GSE1: variants seen among roughly 807,000 people sequenced by gnomAD.
GSE1 encodes genetic suppressor element 1.
GSE1 carries 32 observed loss-of-function variants against 112.6 expected under a neutral mutation model. The ratio of observed to expected loss-of-function variants is 0.28; its 90% CI spans 0.21 to 0.38. The LOEUF (loss-of-function observed/expected upper bound fraction) is 0.38. GSE1 is among the 10% of genes least tolerant of loss of function. The probability of loss-of-function intolerance (pLI) is 1.00; values close to 1 mark genes in which losing one functional copy is unlikely to be tolerated. For missense variants in GSE1, 2,348 were observed against 1,699.2 expected, an observed-to-expected ratio of 1.38 and a Z score of -6.71; for synonymous variants, 1,115 against 735.6, an observed-to-expected ratio of 1.52 and a Z score of -8.35.
intron 2 of GSE1, among the ~76,000 whole-genome samples, chr16:85,503,270 C>T (rs1042975152): frequency 5.3e-5 from 8 of 152,210 alleles, no homozygotes; most frequent in Non-Finnish European, 7.3e-5. Flanking sequence ...GGGTGTCTCA[C>T]GGAGGGTCAG....
At chr16:85,462,838 G>A (rs1385562959) in intron 2 of GSE1, among the ~76,000 whole-genome samples, 2 of 147,046 alleles carry the variant, frequency 1.4e-5, no homozygotes, top group Non-Finnish European at 3.0e-5. Flanking sequence ...GAGCGGCTGC[G>A]GGGCCCCCAG....
chr16:85,313,444 C>T (rs1002967592), intron 1 of GSE1, among the ~76,000 whole-genome samples: 1 of 152,192 alleles, frequency 6.6e-6, no homozygotes, highest in Admixed American at 6.5e-5. Flanking sequence ...CAGGCCATCT[C>T]GGCCTCCTCT....
intron 2 of GSE1, among the ~76,000 whole-genome samples, chr16:85,523,028 C>T (rs868501479): frequency 3.0e-4 from 45 of 151,354 alleles, no homozygotes; most frequent in African/African-American, 5.1e-4. Context: ...TGTGTGTATG[C>T]GTGTGTGTCT....
At chr16:85,658,841 GTTGT>G (rs2052191720) in intron 8 of GSE1, among the ~76,000 whole-genome samples, 1 of 152,184 alleles carries the variant, frequency 6.6e-6, no homozygotes, top group South Asian at 2.1e-4. Flanking sequence ...CAGCACAGGT[GTTGT>G]GACTTTGCCC....
intron 1 of GSE1, among the ~76,000 whole-genome samples, chr16:85,624,990 C>T (rs1000847598): frequency 6.6e-6 from 1 of 152,192 alleles, no homozygotes; most frequent in Non-Finnish European, 1.5e-5. Flanking sequence ...GTACAGGTAG[C>T]CGGCGCCCTG....
At chr16:85,629,000 C>G (rs995083496) in intron 1 of GSE1, among the ~76,000 whole-genome samples, 2 of 152,168 alleles carry the variant, frequency 1.3e-5, no homozygotes, top group South Asian at 4.1e-4. Flanking sequence ...GGGGTTATCA[C>G]CGTCACCTTA....
intron 2 of GSE1, among the ~76,000 whole-genome samples, chr16:85,646,224 C>G (rs1437554588): frequency 6.9e-6 from 1 of 145,416 alleles, no homozygotes; most frequent in Non-Finnish European, 1.5e-5. Flanking sequence ...CTACCTGCTT[C>G]TACCACGCAT....
At chr16:85,520,314 G>T (rs903287714) in intron 2 of GSE1, among the ~76,000 whole-genome samples, 2 of 152,112 alleles carry the variant, frequency 1.3e-5, no homozygotes, top group Admixed American at 6.5e-5. Context: ...CATCACTTTG[G>T]GGGTGAGGAT....
intron 2 of GSE1, among the ~76,000 whole-genome samples, chr16:85,484,083 C>T (rs1323131792): frequency 6.6e-6 from 1 of 152,248 alleles, no homozygotes; most frequent in Non-Finnish European, 1.5e-5. Context: ...GATGACGTCC[C>T]ACACTTGGTG....
chr16:85,358,160 A>C (rs967250733), intron 2 of GSE1, among the ~76,000 whole-genome samples: 1 of 152,016 alleles, frequency 6.6e-6, no homozygotes, highest in Admixed American at 6.6e-5. Flanking sequence ...CCCCCACTCC[A>C]AGGCATCCTC....
rs551131442 is a variant in GSE1, at chr16:85,182,260, G to C, written c.2283+10453G>C. On this transcript the variant is annotated intron_variant, in intron 1 of 2. Coordinates refer to the GSE1 transcript ENST00000637419. The stretch of plus-strand genomic sequence containing the variant: ...ACCCACCATCAGCCTCGTACAGAAG[G>C]CCAGAATGTACCTGGTGGACCCCAG... Among the ~76,000 whole-genome samples the C allele has an allele frequency of 1.9e-3, 291 of 152,322 alleles. 2 individuals are homozygous for C. The highest frequency in any genetic ancestry group is 2.2e-3 in the Non-Finnish European group (151 of 68,026).
At chr16:85,542,953 C>T (rs528206765) in intron 2 of GSE1, among the ~76,000 whole-genome samples, 94 of 152,308 alleles carry the variant, frequency 6.2e-4, no homozygotes, top group African/African-American at 2.1e-3. Flanking sequence ...TGTAGCCGGG[C>T]GTGGTGGCTC....
intron 13 of GSE1, among the ~76,000 whole-genome samples, chr16:85,667,591 C>T (rs1598705684): frequency 6.6e-6 from 1 of 152,244 alleles, no homozygotes; most frequent in Admixed American, 6.5e-5. Flanking sequence ...GGCGCAGTGG[C>T]TCACGCTTGT....
chr16:85,297,132 A>G (rs61529969), intron 1 of GSE1, among the ~76,000 whole-genome samples: 19,239 of 152,136 alleles, frequency 0.13, 1,398 homozygotes, highest in African/African-American at 0.17. Flanking sequence ...CCCGCCCTCT[A>G]CCCGGCCAGG....
At chr16:85,243,902 G>A (rs765096763) in intron 1 of GSE1, among the ~76,000 whole-genome samples, 7 of 152,126 alleles carry the variant, frequency 4.6e-5, no homozygotes, top group Non-Finnish European at 1.0e-4. Context: ...CGAGGTGGGC[G>A]GATCACCTGA....
At chr16:85,455,499 C>T (rs1455181204) in intron 2 of GSE1, among the ~76,000 whole-genome samples, 1 of 152,202 alleles carries the variant, frequency 6.6e-6, no homozygotes, top group African/African-American at 2.4e-5. Context: ...CCATGGTCCC[C>T]TCCTCACACC....
At chr16:85,533,182 G>A (rs1227074817) in intron 2 of GSE1, among the ~76,000 whole-genome samples, 2 of 152,088 alleles carry the variant, frequency 1.3e-5, no homozygotes, top group Non-Finnish European at 2.9e-5. Context: ...GGAGGCCAAG[G>A]CAGGGGGATC....
At chr16:85,619,567 G>A (rs1035166601) in intron 1 of GSE1, among the ~76,000 whole-genome samples, 19 of 152,216 alleles carry the variant, frequency 1.2e-4, no homozygotes, top group African/African-American at 4.3e-4. Context: ...CTCTTACGTG[G>A]TGTGATCTGT....
At chr16:85,613,197 G>C, upstream of GSE1, 1 of 1,431,596 alleles carries the variant, frequency 7.0e-7, no homozygotes, top group South Asian at 1.5e-5. Flanking sequence ...GGGAGTGGGC[G>C]GCGTTGCGTT....
Sources: allele counts gnomAD v4.1 joint callset (sites outside exome capture counted in the v4.1 genomes callset), GRCh38; gene constraint gnomAD v4.1.1; transcripts MANE v1.5; gene names NCBI Gene and HGNC (gene_info 2026-07-23, HGNC 2026-07-21).